PPP1R13B: variants seen among roughly 807,000 people sequenced by gnomAD.
PPP1R13B encodes apoptosis-stimulating of p53 protein 1.
Under a neutral mutation model 119.8 loss-of-function variants are expected in PPP1R13B, and 44 were observed. That is an observed-to-expected ratio of 0.37 (90% CI 0.29 to 0.47). The LOEUF is 0.47. Ranked by LOEUF, PPP1R13B falls within the 20% of genes least tolerant of loss-of-function variation. The pLI, the probability that PPP1R13B is intolerant of heterozygous loss-of-function variation, is 0.99. For synonymous variants in PPP1R13B, 542 were observed against 561.5 expected (o/e 0.97, Z 0.49); for missense variants, 1,227 against 1,413.5 (o/e 0.87, Z 2.12).
chr14:103,799,290 T>C (rs1249752596), intron 1 of PPP1R13B, among the ~76,000 whole-genome samples: 1 of 152,154 alleles, frequency 6.6e-6, no homozygotes, highest in South Asian at 2.1e-4. Context: ...GCCATTCTCC[T>C]GCCTCAGCCT....
chr14:103,820,068 G>A (rs554239645), intron 1 of PPP1R13B, among the ~76,000 whole-genome samples: 1 of 152,242 alleles, frequency 6.6e-6, no homozygotes, highest in African/African-American at 2.4e-5. Context: ...AACGGGTACA[G>A]AGAGCTTAAA....
At chr14:103,825,911 C>G (rs1168631641) in intron 1 of PPP1R13B, among the ~76,000 whole-genome samples, 2 of 150,838 alleles carry the variant, frequency 1.3e-5, no homozygotes, top group African/African-American at 2.4e-5. Flanking sequence ...GTGGCGCAAT[C>G]TTGGCTCACT....
At chr14:103,778,557 C>A (rs1489292402) in intron 4 of PPP1R13B, 188 bp downstream of exon 4, 2 of 570,184 alleles carry the variant, frequency 3.5e-6, no homozygotes, top group African/African-American at 3.8e-5. Flanking sequence ...ACACACCTGG[C>A]CTCATCTGAT....
intron 2 of PPP1R13B, among the ~76,000 whole-genome samples, chr14:103,794,269 A>G (rs891535222): frequency 7.9e-5 from 12 of 152,070 alleles, no homozygotes; most frequent in African/African-American, 2.9e-4. Flanking sequence ...GAAGGATTCT[A>G]TCTACGACAT....
intron 1 of PPP1R13B, among the ~76,000 whole-genome samples, chr14:103,816,038 C>A (rs981815819): frequency 6.6e-6 from 1 of 151,912 alleles, no homozygotes; most frequent in East Asian, 1.9e-4. Context: ...GAGCTGAGAT[C>A]GCGCCACTGC....
intron 2 of PPP1R13B, among the ~76,000 whole-genome samples, chr14:103,792,748 G>C (rs1179875656): frequency 2.0e-5 from 3 of 151,912 alleles, no homozygotes; most frequent in Non-Finnish European, 4.4e-5. Context: ...ACTCCAACCT[G>C]GGCAACTGAG....
Position 103,740,238 on chromosome 14 carries a change from C to T in PPP1R13B, c.2178G>A (p.Leu726=), listed in dbSNP as rs749658198. 1 of 1,609,994 alleles carries T rather than the reference C, an allele frequency of 6.2e-7. No individual in the cohort carries two copies. Among genetic ancestry groups the T allele is most frequent in the East Asian group, 2.2e-5 (1 of 44,760 alleles). The change falls in exon 12 of 17, where the codon CTG becomes CTA. Residue 726 remains leucine, a synonymous_variant. Transcript: ENST00000202556. This position sits in a 1 kb window ranked among gnomAD's most constrained non-coding sequence, Gnocchi z 4.6. ...GPGGPNIQKL[L]YQRFNTLAGG... Reference sequence around the variant, plus strand: ...CGGCCAGGGTGTTGAAGCGCTGGTACAGCAGCTTCTGGATGTTGGGCCCGC... The same window carrying T: ...CGGCCAGGGTGTTGAAGCGCTGGTATAGCAGCTTCTGGATGTTGGGCCCGC...
At chr14:103,762,488 A>G (rs570030259) in intron 4 of PPP1R13B, among the ~76,000 whole-genome samples, 1 of 151,408 alleles carries the variant, frequency 6.6e-6, no homozygotes, top group East Asian at 1.9e-4. Flanking sequence ...TAGGAGATAC[A>G]CCTAATGTTA....
chr14:103,775,360 T>C (rs981610850), intron 4 of PPP1R13B, among the ~76,000 whole-genome samples: 1 of 151,894 alleles, frequency 6.6e-6, no homozygotes, highest in Non-Finnish European at 1.5e-5. Context: ...CTGCAACCTC[T>C]GTCTCCTGGG....
intron 15 of PPP1R13B, 154 bp downstream of exon 15, chr14:103,737,540 C>T: frequency 1.0e-6 from 1 of 982,048 alleles, no homozygotes; most frequent in South Asian, 1.8e-5. Context: ...TGCGACATTG[C>T]ACTCCAGCCT....
intron 5 of PPP1R13B, among the ~76,000 whole-genome samples, chr14:103,754,708 A>C (rs1321303240): frequency 6.6e-6 from 1 of 152,140 alleles, no homozygotes; most frequent in Non-Finnish European, 1.5e-5. Context: ...TAAAAAACTG[A>C]AATTACTGGG....
chr14:103,827,265 G>A (rs2152074145), intron 1 of PPP1R13B, among the ~76,000 whole-genome samples: 1 of 152,192 alleles, frequency 6.6e-6, no homozygotes, highest in East Asian at 1.9e-4. Flanking sequence ...GAACCCGGCA[G>A]GTGGAGCTTG....
intron 2 of PPP1R13B, 80 bp from the exon 3 acceptor site, chr14:103,784,994 G>A: frequency 7.6e-7 from 1 of 1,318,326 alleles, no homozygotes; most frequent in Non-Finnish European, 1.0e-6. Flanking sequence ...AAACTTAAAT[G>A]AATGTATATA....
rs564043334 is a variant in PPP1R13B at position 103,774,710 on chromosome 14, A to G, written c.354+4035T>C. Among the ~76,000 whole-genome samples, 13 of 152,344 alleles carry G rather than the reference A, an allele frequency of 8.5e-5. No individual in the cohort carries two copies. In the East Asian group the frequency reaches 2.3e-3, roughly 27 times the overall value. ...TTAGATGTCTCAGCCCAGAAGTTAG[A>G]AGGCTTATTAGCATGTCATTATTCT... is the stretch of plus-strand genomic sequence containing the variant. On this transcript the variant is annotated intron_variant, in intron 4 of 16. Transcript: ENST00000202556.
intron 1 of PPP1R13B, among the ~76,000 whole-genome samples, chr14:103,818,135 T>C (rs1022752779): frequency 5.3e-5 from 8 of 152,338 alleles, no homozygotes; most frequent in African/African-American, 9.6e-5. Context: ...CAAAGATTAA[T>C]GTACTCACAG....
intron 4 of PPP1R13B, among the ~76,000 whole-genome samples, chr14:103,769,410 AT>A (rs942228003): frequency 2.0e-5 from 3 of 148,834 alleles, no homozygotes; most frequent in South Asian, 2.1e-4. Flanking sequence ...GTATTTTAAA[AT>A]TTTTTTTTTG....
chr14:103,760,651 C>T (rs2084782690), intron 4 of PPP1R13B, among the ~76,000 whole-genome samples: 1 of 152,188 alleles, frequency 6.6e-6, no homozygotes, highest in African/African-American at 2.4e-5. Flanking sequence ...AGATCTCCTC[C>T]AACACCGATG....
In PPP1R13B at chr14:103,790,082, C is replaced by A. The variant is rs895821953; in HGVS notation, c.158-5168G>T. On this transcript the variant is annotated intron_variant, in intron 2 of 16. Coordinates refer to ENST00000202556, the MANE Select transcript of PPP1R13B (RefSeq NM_015316.3). ...CCAACATGGTAAAACCCTGTCTCTA[C>A]TAAAAATAAAAAAATTAGCTGGGCA... 3.3e-5 allele frequency among the ~76,000 whole-genome samples: 5 copies of A among 151,626 alleles called. No individual in the cohort carries two copies. The South Asian group carries it at 1.0e-3, about 32-fold the overall frequency.
chr14:103,822,315 A>G (rs1383334173), intron 1 of PPP1R13B, among the ~76,000 whole-genome samples: 1 of 152,040 alleles, frequency 6.6e-6, no homozygotes, highest in Non-Finnish European at 1.5e-5. Context: ...TTGTATTTTT[A>G]GTAGACACGG....
Sources: gnomAD v4.1 joint callset for allele counts (sites outside exome capture counted in the v4.1 genomes callset) on GRCh38, gnomAD v4.1.1 for gene constraint, Gnocchi (gnomAD v3.1) non-coding constraint, MANE v1.5 for transcripts, NCBI Gene and HGNC (gene_info 2026-07-23, HGNC 2026-07-21) for gene names.